Variants in FNIP2 observed in about 807,000 individuals in gnomAD.
FNIP2 encodes folliculin interacting protein 2.
FNIP2 carries 32 observed loss-of-function variants against 108.7 expected under a neutral mutation model. The observed-to-expected ratio is 0.29, with a 90% confidence interval of 0.22 to 0.40. The LOEUF (loss-of-function observed/expected upper bound fraction) is 0.40. Among genes scored for constraint, FNIP2 ranks in the 10% least tolerant of loss-of-function variants. The pLI is 1.00. For missense variants in FNIP2, 1,202 were observed against 1,381.6 expected (o/e 0.87, Z 2.06); for synonymous variants, 480 against 496.7 (o/e 0.97, Z 0.45).
At chr4:158,849,904 T>C (rs17037716) in intron 7 of FNIP2, among the ~76,000 whole-genome samples, 10,453 of 152,076 alleles carry the variant, frequency 0.069, 475 homozygotes, top group African/African-American at 0.13. Context: ...GATTAAGACC[T>C]ACCAAACAAA....
chr4:158,821,247 C>T (rs1006412625), intron 1 of FNIP2, among the ~76,000 whole-genome samples: 1 of 152,218 alleles, frequency 6.6e-6, no homozygotes, highest in African/African-American at 2.4e-5. Flanking sequence ...TGCCTGAAGG[C>T]ATAAAGTGGA....
chr4:158,778,786 A>C (rs1304763999), intron 1 of FNIP2, among the ~76,000 whole-genome samples: 1 of 152,208 alleles, frequency 6.6e-6, no homozygotes, highest in Non-Finnish European at 1.5e-5. Flanking sequence ...ATAAGAGGGC[A>C]CTACTGTAAT....
At chr4:158,774,547 A>T (rs1419536511) in intron 1 of FNIP2, among the ~76,000 whole-genome samples, 1 of 152,234 alleles carries the variant, frequency 6.6e-6, no homozygotes, top group Non-Finnish European at 1.5e-5. Flanking sequence ...AGCTCCTATT[A>T]TTAAAAGTAA....
intron 1 of FNIP2, among the ~76,000 whole-genome samples, chr4:158,820,781 C>T (rs1283091040): frequency 6.6e-6 from 1 of 152,112 alleles, no homozygotes; most frequent in African/African-American, 2.4e-5. Context: ...CCTTCTGTGT[C>T]TTTGTCCAAA....
At chr4:158,786,122 A>G (rs959934957) in intron 1 of FNIP2, among the ~76,000 whole-genome samples, 1 of 152,230 alleles carries the variant, frequency 6.6e-6, no homozygotes, top group Non-Finnish European at 1.5e-5. Context: ...GTGAAAAACT[A>G]TTAGTGCCAT....
intron 1 of FNIP2, among the ~76,000 whole-genome samples, chr4:158,805,333 T>C (rs1465623735): frequency 5.9e-5 from 9 of 152,314 alleles, no homozygotes; most frequent in Non-Finnish European, 1.2e-4. Context: ...TTATTTCTAA[T>C]AAAAGAAAAA....
At position 158,861,351 on chromosome 4, in the gene FNIP2, C is replaced by A. The variant is rs774830594; in HGVS notation, c.1158C>A (p.Ile386=). Residue 386 remains isoleucine, a synonymous_variant, in exon 11 of 17, where the codon ATC becomes ATA. Coordinates refer to ENST00000264433, the MANE Select transcript of FNIP2 (RefSeq NM_020840.3). ...TCTTTCTGTTCTATAGAGGAACTAT[C>A]TGGAACTTATATTCTGTTCCAAGGA... ...MEALGEFRGT[I]WNLYSVPRIA... 4.3e-6 allele frequency: 7 copies of A among 1,613,368 alleles called. No homozygotes were observed. In the East Asian group the frequency reaches 6.7e-5, roughly 15 times the overall value.
At position 158,890,037 on chromosome 4, in the gene FNIP2, T is replaced by A. The variant is rs901469726; in HGVS notation, c.2950-1409T>A. 3 of 985,318 alleles carry A rather than the reference T, an allele frequency of 3.0e-6. No homozygotes were observed. The African/African-American group carries it at 5.2e-5, about 17-fold the overall frequency. 61.0% of individuals were successfully genotyped at this position (985,318 alleles called of 1,614,324 possible). Reference sequence around the variant, plus strand: ...GTTGAAAATGGTGATGGGGTCATTATGTGTGTAAGAAAATCTTTGTACTTT... The same window carrying A: ...GTTGAAAATGGTGATGGGGTCATTAAGTGTGTAAGAAAATCTTTGTACTTT... On this transcript the variant is annotated intron_variant, in intron 14 of 16. Coordinates refer to ENST00000264433, the MANE Select transcript of FNIP2 (RefSeq NM_020840.3).
chr4:158,775,539 A>G (rs1775832139), intron 1 of FNIP2, among the ~76,000 whole-genome samples: 1 of 148,964 alleles, frequency 6.7e-6, no homozygotes, highest in Non-Finnish European at 1.5e-5. Flanking sequence ...ATGGCCACAC[A>G]GACACTTTTG....
At chr4:158,852,393 A>G (rs1779748033) in intron 8 of FNIP2, among the ~76,000 whole-genome samples, 1 of 152,186 alleles carries the variant, frequency 6.6e-6, no homozygotes, top group African/African-American at 2.4e-5. Flanking sequence ...GAAAGAAAAA[A>G]TTATAGCTTT....
intron 15 of FNIP2, 126 bp downstream of exon 15, chr4:158,891,772 C>G: frequency 1.1e-6 from 1 of 884,812 alleles, no homozygotes; most frequent in Middle Eastern, 3.6e-4. Flanking sequence ...ATAACTAAAA[C>G]TAGAACATGC....
intron 7 of FNIP2, among the ~76,000 whole-genome samples, chr4:158,843,547 G>T (rs1002129055): frequency 6.6e-6 from 1 of 152,170 alleles, no homozygotes; most frequent in East Asian, 1.9e-4. Flanking sequence ...ACAATAAAAT[G>T]TAGGCAACCA....
At chr4:158,833,929 A>G (rs915703437) in intron 6 of FNIP2, 10 of 1,259,400 alleles carry the variant, frequency 7.9e-6, no homozygotes, top group Admixed American at 6.5e-5. Flanking sequence ...ACCCACACAT[A>G]TTAATAAATC....
intron 8 of FNIP2, among the ~76,000 whole-genome samples, chr4:158,858,797 A>G (rs973636850): frequency 2.0e-5 from 3 of 152,246 alleles, no homozygotes; most frequent in Non-Finnish European, 4.4e-5. Flanking sequence ...ATTCAAAGGA[A>G]AAGGACAAGA....
chr4:158,840,403 GT>G (rs869039077), intron 7 of FNIP2, among the ~76,000 whole-genome samples: 7 of 147,608 alleles, frequency 4.7e-5, no homozygotes, highest in South Asian at 2.1e-4. Context: ...TTTTGTTGTT[GT>G]TTTTTTTTTG....
chr4:158,786,992 A>C (rs1386343730), intron 1 of FNIP2, among the ~76,000 whole-genome samples: 1 of 151,290 alleles, frequency 6.6e-6, no homozygotes, highest in African/African-American at 2.4e-5. Flanking sequence ...TTTTTTTTTA[A>C]TCTCTAAGTC....
intron 7 of FNIP2, among the ~76,000 whole-genome samples, chr4:158,842,061 A>G (rs1031131895): frequency 1.2e-4 from 19 of 152,256 alleles, no homozygotes; most frequent in African/African-American, 4.6e-4. Context: ...TGTGAGCTTG[A>G]TAATCTGTAG....
Position 158,868,888 on chromosome 4 carries a change from C to G in FNIP2, c.2252C>G (p.Ala751Gly), listed in dbSNP as rs762026374. Residue 751 changes from alanine (A) to glycine (G), a missense_variant, in exon 13 of 17, where the codon GCC becomes GGC. Around this residue, in one of 5 missense-constraint regions of FNIP2, gnomAD observed 878 missense variants for 990.3 expected, o/e 0.89. Transcript: ENST00000264433. This position sits in a 1 kb window ranked among gnomAD's most constrained non-coding sequence, Gnocchi z 4.6. Reference sequence around the variant, plus strand: ...AAGGCCTGTGGCCCCTCCTTGGAGGCCAGTGAGGCTGCTGATGTGGCTCAG... The same window carrying G: ...AAGGCCTGTGGCCCCTCCTTGGAGGGCAGTGAGGCTGCTGATGTGGCTCAG... ...RVKACGPSLEASEAADVAQDP... is the reference protein window; with the variant it reads ...RVKACGPSLEGSEAADVAQDP... 2.6e-5 allele frequency: 42 copies of G among 1,613,814 alleles called. No individual in the cohort carries two copies. Among genetic ancestry groups the G allele is most frequent in the Middle Eastern group, 1.6e-4 (1 of 6,082 alleles).
intron 14 of FNIP2, among the ~76,000 whole-genome samples, chr4:158,891,172 G>T (rs1263566275): frequency 6.6e-6 from 1 of 151,942 alleles, no homozygotes; most frequent in Non-Finnish European, 1.5e-5. Flanking sequence ...TCTGTCTCTG[G>T]CTCTCTCTAT....
Sources: gnomAD v4.1 joint callset for allele counts (sites outside exome capture counted in the v4.1 genomes callset) on GRCh38, gnomAD v4.1.1 for gene constraint, gnomAD v4.1.1 regional missense constraint, Gnocchi (gnomAD v3.1) non-coding constraint, MANE v1.5 for transcripts, NCBI Gene and HGNC (gene_info 2026-07-23, HGNC 2026-07-21) for gene names.